Variants in MTOR observed in about 807,000 individuals in gnomAD.
The protein encoded by MTOR is mechanistic target of rapamycin kinase.
MTOR carries 70 observed loss-of-function variants against 319.8 expected under a neutral mutation model. That is an observed-to-expected ratio of 0.22 (90% CI 0.18 to 0.27). The LOEUF is 0.27. Ranked by LOEUF, MTOR falls within the 10% of genes least tolerant of loss-of-function variation. The pLI, the probability that MTOR is intolerant of heterozygous loss-of-function variation, is 1.00. For synonymous variants in MTOR, 1,183 were observed against 1,211.4 expected (o/e 0.98, Z 0.49); for missense variants, 1,890 against 3,274.4 (o/e 0.58, Z 10.32).
chr1:11,122,219 T>G, intron 47 of MTOR, 93 bp from the exon 48 acceptor site: 5 of 1,485,656 alleles, frequency 3.4e-6, no homozygotes, highest in South Asian at 1.3e-5. Context: ...TTTTTTCTTT[T>G]TTGAGACAGA....
rs1158752172 is a variant in MTOR at position 11,115,601 on chromosome 1, C to T, written c.7017-133G>A. 1.3e-6 allele frequency: 1 copy of T among 748,756 alleles called. No individual in the cohort carries two copies. Among genetic ancestry groups the T allele is most frequent in the Non-Finnish European group, 2.3e-6 (1 of 428,942 alleles). The allele number at this position is 748,756 out of a possible 1,614,324, so 46.4% of individuals were successfully genotyped here. ...AGCCAATCCAGCCCCTCCACCTCCA[C>T]TTCTGCAAGTCCAGTTTTACTGGAA... is the stretch of plus-strand genomic sequence containing the variant. On this transcript the variant is annotated intron_variant, in intron 50 of 57. Transcript: ENST00000361445. This position sits in a 1 kb window ranked among gnomAD's most constrained non-coding sequence, Gnocchi z 4.5.
At position 11,212,261 on chromosome 1, in the gene MTOR, T is replaced by A. The variant is rs1468486968; in HGVS notation, c.3561+51A>T. 1 of 1,556,412 alleles carries A rather than the reference T, an allele frequency of 6.4e-7. No homozygotes were observed. The highest frequency in any genetic ancestry group is 2.3e-5 in the East Asian group (1 of 43,922). ...TCTGAGTGGCTCACAGACAAAGTCT[T>A]CTTTCCAAATAAGGCAGAAGAGCAC... On this transcript the variant is annotated intron_variant, in intron 23 of 57. Transcript: ENST00000361445. The surrounding 1 kb of genome is among the most constrained non-coding windows in gnomAD (Gnocchi z 4.1).
chr1:11,182,090 G>A (rs1410113046), intron 28 of MTOR, among the ~76,000 whole-genome samples: 2 of 152,022 alleles, frequency 1.3e-5, no homozygotes, highest in Admixed American at 1.3e-4. Flanking sequence ...GGCAGTGCAT[G>A]ACTGTAATCC....
chr1:11,112,002 A>G (rs540202018), intron 54 of MTOR, among the ~76,000 whole-genome samples: 2 of 152,218 alleles, frequency 1.3e-5, no homozygotes, highest in East Asian at 3.9e-4. Flanking sequence ...CAAAACCAGT[A>G]ACTTCAATGC....
At chr1:11,180,547 AAGTC>A (rs1295205760) in intron 28 of MTOR, among the ~76,000 whole-genome samples, 1 of 152,184 alleles carries the variant, frequency 6.6e-6, no homozygotes, top group African/African-American at 2.4e-5. Context: ...TGTGGTGCCT[AAGTC>A]AGGGTGGAGA....
Position 11,139,429 on chromosome 1 carries a change from C to T in MTOR, c.5005G>A (p.Ala1669Thr). Residue 1669 changes from alanine (A) to threonine (T), a missense_variant, in exon 36 of 58, where the codon GCT (alanine) becomes ACT (threonine). Ala to Thr is a moderately conservative substitution (Grantham distance 58). Transcript: ENST00000361445. Reference protein sequence around the residue: ...LCGKSGRLALAHKTLVLLLGV... With the variant: ...LCGKSGRLALTHKTLVLLLGV... ...AGGAGCAACACTAAAGTTTTATGAG[C>T]AAGAGCCTTAAAAATAAGAGAAACT... The T allele has an allele frequency of 6.2e-7, 1 of 1,614,012 alleles. No individual in the cohort carries two copies. The highest frequency in any genetic ancestry group is 8.5e-7 in the Non-Finnish European group (1 of 1,179,994).
chr1:11,238,462 C>A lies in MTOR; in HGVS notation c.1942G>T (p.Ala648Ser). The A allele has an allele frequency of 6.2e-6, 10 of 1,614,206 alleles. No homozygotes were observed. Among genetic ancestry groups the A allele is most frequent in the Non-Finnish European group, 8.5e-6 (10 of 1,180,038 alleles). The change falls in exon 12 of 58, where the codon GCA (alanine) becomes TCA (serine). Residue 648 changes from alanine to serine, a missense_variant. Physicochemically the swap from Ala to Ser is moderately conservative, Grantham distance 99. Transcript: ENST00000361445. ...AGCACATCTGCCACCACTTGCACTG[C>A]GGTCTGGCTAACCACATGAGCATGG... ...SGHAHVVSQT[A>S]VQVVADVLSK...
chr1:11,113,205 C>G (rs1455372660), intron 53 of MTOR, among the ~76,000 whole-genome samples: 1 of 152,130 alleles, frequency 6.6e-6, no homozygotes, highest in African/African-American at 2.4e-5. Context: ...TGGTGAACAT[C>G]CCCTAAGGTG....
intron 3 of MTOR, 126 bp from the exon 4 acceptor site, chr1:11,257,291 T>C: frequency 1.3e-6 from 1 of 791,978 alleles, no homozygotes; most frequent in Non-Finnish European, 2.1e-6. Context: ...ATCCTAGCAC[T>C]TTGGGAGGCT....
intron 26 of MTOR, among the ~76,000 whole-genome samples, chr1:11,201,794 G>T (rs1213640814): frequency 6.6e-6 from 1 of 151,750 alleles, no homozygotes. Context: ...ACATGCATTA[G>T]AAGTTTTATA....
chr1:11,198,437 TCAAA>T (rs1645856327), intron 28 of MTOR, among the ~76,000 whole-genome samples: 1 of 152,166 alleles, frequency 6.6e-6, no homozygotes, highest in African/African-American at 2.4e-5. Flanking sequence ...GATTACCCTC[TCAAA>T]CAAAGGAGGC....
Position 11,115,275 on chromosome 1 carries a change from G to T in MTOR, c.7089+121C>A. On this transcript the variant is annotated intron_variant, in intron 51 of 57. Coordinates refer to ENST00000361445, the MANE Select transcript of MTOR (RefSeq NM_004958.4). The surrounding 1 kb of genome is among the most constrained non-coding windows in gnomAD (Gnocchi z 4.5). ...CTTAGACTGACTTAACTACAGCCTTGGTAGGGCCAGCAGGGGTTAAGAGTA... is the reference window on the plus strand; with the variant it reads ...CTTAGACTGACTTAACTACAGCCTTTGTAGGGCCAGCAGGGGTTAAGAGTA... The T allele has an allele frequency of 1.1e-6, 1 of 909,504 alleles. No homozygotes were observed. Among genetic ancestry groups the T allele is most frequent in the Non-Finnish European group, 1.8e-6 (1 of 556,096 alleles). The allele number at this position is 909,504 out of a possible 1,614,324, so 56.3% of individuals were successfully genotyped here.
At chr1:11,111,068 G>A in intron 54 of MTOR, 1 of 452,956 alleles carries the variant, frequency 2.2e-6, no homozygotes, top group Non-Finnish European at 4.4e-6. Flanking sequence ...GGTGATTCAG[G>A]CATTCACAAA....
chr1:11,171,783 C>T (rs1644822089), intron 28 of MTOR, among the ~76,000 whole-genome samples: 6 of 151,940 alleles, frequency 3.9e-5, no homozygotes, highest in Admixed American at 3.9e-4. Context: ...GCCTGTAATT[C>T]CAGAGCTTTG....
At chr1:11,211,801 C>T (rs191429096) in intron 23 of MTOR, among the ~76,000 whole-genome samples, 1 of 152,314 alleles carries the variant, frequency 6.6e-6, no homozygotes, top group East Asian at 1.9e-4. Context: ...ACCTTAACTA[C>T]AAGCACTTCC....
At chr1:11,174,536 G>T (rs1644923409) in intron 28 of MTOR, among the ~76,000 whole-genome samples, 1 of 152,166 alleles carries the variant, frequency 6.6e-6, no homozygotes, top group South Asian at 2.1e-4. Context: ...GCAAAGTGCA[G>T]GACAAGCAAG....
Position 11,109,505 on chromosome 1 carries a change from G to T in MTOR, c.7448-135C>A. The T allele has an allele frequency of 8.3e-7, 1 of 1,203,216 alleles. No individual in the cohort carries two copies. The highest frequency in any genetic ancestry group is 1.2e-6 in the Non-Finnish European group (1 of 828,406). The allele number at this position is 1,203,216 out of a possible 1,614,324, so 74.5% of individuals were successfully genotyped here. A position where few individuals can be genotyped will look rare whatever the true frequency, so the allele number is the denominator to read the frequency against. ...TCCTCTATGTCCGTCTTTGTCCTCA[G>T]AATATAATGAGAAATTCATGGAACC... On this transcript the variant is annotated intron_variant, in intron 55 of 57. Coordinates refer to ENST00000361445, the MANE Select transcript of MTOR (RefSeq NM_004958.4). The surrounding 1 kb of genome is among the most constrained non-coding windows in gnomAD (Gnocchi z 4.0).
rs370146937 is a variant in MTOR at position 11,204,543 on chromosome 1, C to A, written c.3944+18G>T. 6.2e-7 allele frequency: 1 copy of A among 1,605,490 alleles called. No homozygotes were observed. The highest frequency in any genetic ancestry group is 1.3e-5 in the African/African-American group (1 of 74,726). ...TTTCTATGTGCTGATCTTCTCCACCCGCCCTGACACACTATACCTGGCCAT... is the reference window on the plus strand; with the variant it reads ...TTTCTATGTGCTGATCTTCTCCACCAGCCCTGACACACTATACCTGGCCAT... On this transcript the variant is annotated intron_variant, in intron 26 of 57. Coordinates refer to ENST00000361445, the MANE Select transcript of MTOR (RefSeq NM_004958.4).
intron 34 of MTOR, among the ~76,000 whole-genome samples, chr1:11,143,044 T>G (rs1481555750): frequency 6.6e-6 from 1 of 152,224 alleles, no homozygotes; most frequent in African/African-American, 2.4e-5. Context: ...ATGCTTTACT[T>G]TCAGGCCTTG....
Sources: allele counts gnomAD v4.1 joint callset (sites outside exome capture counted in the v4.1 genomes callset), GRCh38; gene constraint gnomAD v4.1.1; non-coding constraint Gnocchi (gnomAD v3.1); transcripts MANE v1.5; gene names NCBI Gene and HGNC (gene_info 2026-07-23, HGNC 2026-07-21).